The following CES5A variants were observed in gnomAD, a reference collection of about 807,000 sequenced individuals.
The protein encoded by CES5A is carboxylesterase 5A.
Under a neutral mutation model 62.9 loss-of-function variants are expected in CES5A, and 67 were observed. That is an observed-to-expected ratio of 1.07 (90% CI 0.88 to 1.31). The LOEUF is 1.31. Ranked by LOEUF, CES5A falls within the 50% of genes most tolerant of loss-of-function variation. The pLI, the probability that CES5A is intolerant of heterozygous loss-of-function variation, is 0.00. For missense variants in CES5A, 748 were observed against 708.5 expected (o/e 1.06, Z -0.63); for synonymous variants, 296 against 280.8 (o/e 1.05, Z -0.54).
chr16:55,909,863 C>A (rs1462850185), intron 1 of CES5A, among the ~76,000 whole-genome samples: 3 of 152,214 alleles, frequency 2.0e-5, no homozygotes, highest in East Asian at 1.9e-4. Flanking sequence ...GGGATCTGGA[C>A]CAGATGGTCC....
At chr16:55,876,808 C>T (rs1244407907), upstream of CES5A, among the ~76,000 whole-genome samples, 1 of 152,178 alleles carries the variant, frequency 6.6e-6, no homozygotes, top group Non-Finnish European at 1.5e-5. Flanking sequence ...ATCCAGACAT[C>T]ACCGTGTGGC....
chr16:55,872,188 C>A (rs2142412981), intron 2 of CES5A, among the ~76,000 whole-genome samples: 1 of 152,284 alleles, frequency 6.6e-6, no homozygotes, highest in African/African-American at 2.4e-5. Flanking sequence ...CGCAAAGGAA[C>A]ATTTCCAGGC....
At chr16:55,905,637 G>A (rs1342348096) in intron 1 of CES5A, among the ~76,000 whole-genome samples, 2 of 152,058 alleles carry the variant, frequency 1.3e-5, no homozygotes, top group African/African-American at 4.8e-5. Context: ...TAGGATTACA[G>A]GCATGAGCCA....
chr16:55,939,091 C>T (rs1039313967), intron 2 of CES5A, among the ~76,000 whole-genome samples: 1 of 151,842 alleles, frequency 6.6e-6, no homozygotes, highest in African/African-American at 2.4e-5. Flanking sequence ...TCAATGTGCC[C>T]TTTTACTCTC....
intron 1 of CES5A, among the ~76,000 whole-genome samples, chr16:55,887,069 T>C (rs150552415): frequency 3.3e-5 from 5 of 152,268 alleles, no homozygotes; most frequent in East Asian, 3.9e-4. Flanking sequence ...AATGTTGTAC[T>C]ACAGGATGCA....
chr16:55,950,717 C>A (rs1018594740), intron 1 of CES5A, among the ~76,000 whole-genome samples: 6 of 151,314 alleles, frequency 4.0e-5, no homozygotes, highest in Non-Finnish European at 7.4e-5. Flanking sequence ...GAAAAAAAAA[C>A]CCAAAAAACG....
At chr16:55,864,278 T>C (rs2033412567) in intron 5 of CES5A, among the ~76,000 whole-genome samples, 1 of 152,196 alleles carries the variant, frequency 6.6e-6, no homozygotes, top group Admixed American at 6.5e-5. Context: ...AGACCACATA[T>C]ATTGTCAAGT....
intron 1 of CES5A, among the ~76,000 whole-genome samples, chr16:55,890,046 T>A (rs1289810138): frequency 2.0e-5 from 3 of 152,138 alleles, no homozygotes; most frequent in African/African-American, 7.2e-5. Context: ...AGAGTCACAC[T>A]CACTAAAAGA....
chr16:55,931,082 T>A (rs903348031), intron 2 of CES5A, among the ~76,000 whole-genome samples: 1 of 152,306 alleles, frequency 6.6e-6, no homozygotes, highest in African/African-American at 2.4e-5. Flanking sequence ...AAAATGAGTT[T>A]TCCAAGGCCA....
At chr16:55,912,506 G>A (rs1386552211) in intron 1 of CES5A, among the ~76,000 whole-genome samples, 2 of 151,840 alleles carry the variant, frequency 1.3e-5, no homozygotes, top group Non-Finnish European at 2.9e-5. Context: ...ACGAGGAGGA[G>A]GAATAGGAAA....
At chr16:55,921,778 G>A (rs1300206383) in intron 1 of CES5A, among the ~76,000 whole-genome samples, 8 of 151,824 alleles carry the variant, frequency 5.3e-5, no homozygotes, top group African/African-American at 7.3e-5. Flanking sequence ...TAGTATGGAG[G>A]CCAAAAGACA....
chr16:55,897,524 G>C (rs1199819161), intron 1 of CES5A, among the ~76,000 whole-genome samples: 1 of 152,182 alleles, frequency 6.6e-6, no homozygotes, highest in African/African-American at 2.4e-5. Context: ...TCCTATGGAA[G>C]CCAGCCTTGT....
upstream of CES5A, among the ~76,000 whole-genome samples, chr16:55,877,434 G>A (rs939087013): frequency 6.9e-6 from 1 of 144,438 alleles, no homozygotes; most frequent in African/African-American, 2.6e-5. Context: ...ATATATATAT[G>A]TGTGTGTGTA....
intron 1 of CES5A, among the ~76,000 whole-genome samples, chr16:55,880,970 C>G (rs1301494100): frequency 1.3e-5 from 2 of 152,180 alleles, no homozygotes; most frequent in Admixed American, 6.5e-5. Context: ...AAGGTTGAGC[C>G]TATAGCCTTG....
chr16:55,918,678 A>G (rs148699499), intron 1 of CES5A, among the ~76,000 whole-genome samples: 1 of 152,326 alleles, frequency 6.6e-6, no homozygotes, highest in Admixed American at 6.5e-5. Flanking sequence ...GAGCTTACAG[A>G]TAAGCAAGCA....
chr16:55,943,912 A>T (rs1021340791), intron 2 of CES5A: 2 of 627,570 alleles, frequency 3.2e-6, no homozygotes, highest in Non-Finnish European at 5.7e-6. Flanking sequence ...GTATCCAGTA[A>T]GAGGGTCTAG....
intron 9 of CES5A, 108 bp from the exon 10 acceptor site, chr16:55,853,136 AT>A: frequency 8.9e-7 from 1 of 1,118,584 alleles, no homozygotes; most frequent in Non-Finnish European, 1.3e-6. Context: ...ACATTGCTTC[AT>A]TTAACCCACA....
chr16:55,867,514 C>T (rs1567331363), intron 4 of CES5A, among the ~76,000 whole-genome samples: 1 of 152,174 alleles, frequency 6.6e-6, no homozygotes, highest in Non-Finnish European at 1.5e-5. Context: ...CCCCTGGGTC[C>T]CCTCCACTGT....
intron 1 of CES5A, among the ~76,000 whole-genome samples, chr16:55,883,594 T>C (rs955352874): frequency 6.6e-6 from 1 of 152,220 alleles, no homozygotes; most frequent in Non-Finnish European, 1.5e-5. Context: ...CTTTTAGGTC[T>C]TTAACAGTGG....
Sources: allele counts gnomAD v4.1 joint callset (sites outside exome capture counted in the v4.1 genomes callset), GRCh38; gene constraint gnomAD v4.1.1; transcripts MANE v1.5; gene names NCBI Gene and HGNC (gene_info 2026-07-23, HGNC 2026-07-21).